The following CDK15 variants were observed in gnomAD, a reference collection of about 807,000 sequenced individuals.
The protein encoded by CDK15 is cyclin dependent kinase 15, also known as cyclin-dependent kinase 15.
A neutral mutation model predicts 60.3 loss-of-function variants in CDK15; 62 were observed. The ratio of observed to expected loss-of-function variants is 1.03; its 90% confidence interval spans 0.84 to 1.27. The LOEUF (loss-of-function observed/expected upper bound fraction) is 1.27, where lower values mean the gene tolerates loss of function less well. CDK15 is among the 50% of genes most tolerant of loss of function. The probability of loss-of-function intolerance (pLI) is 0.00; values close to 1 mark genes in which losing one functional copy is unlikely to be tolerated. For synonymous variants in CDK15, 194 were observed against 195.7 expected (o/e 0.99, Z 0.07); for missense variants, 541 against 527.8 (o/e 1.03, Z -0.25).
At position 201,812,550 on chromosome 2, in the gene CDK15, G is replaced by C; in HGVS notation, c.436G>C (p.Ala146Pro). Residue 146 changes from alanine to proline, a missense_variant, in exon 4 of 14, where the codon GCT (alanine) becomes CCT (proline). Physicochemically the swap from Ala to Pro is conservative, Grantham distance 27. Coordinates refer to ENST00000652192, the MANE Select transcript of CDK15 (RefSeq NM_001366386.2). Reference protein sequence around the residue: ...MNAEEGVPFTAIREASLLKGL... With the variant: ...MNAEEGVPFTPIREASLLKGL... ...TGCAGAGGAAGGAGTCCCATTTACA[G>C]CTATCCGAGAAGGTAAGAACAGCAG... The C allele has an allele frequency of 5.0e-6, 8 of 1,612,216 alleles. No individual in the cohort carries two copies. Among genetic ancestry groups the C allele is most frequent in the African/African-American group, 1.3e-5 (1 of 74,982 alleles).
intron 4 of CDK15, among the ~76,000 whole-genome samples, chr2:201,822,160 C>T (rs1696255738): frequency 1.3e-5 from 2 of 152,176 alleles, no homozygotes; most frequent in African/African-American, 4.8e-5. Context: ...AAGAGAAAGC[C>T]CTCAGCCTTC....
intron 9 of CDK15, 44 bp from the exon 10 acceptor site, chr2:201,854,830 T>A (rs377132693): frequency 5.2e-5 from 82 of 1,566,744 alleles, no homozygotes; most frequent in Admixed American, 1.2e-4. Context: ...ATCCACCTCA[T>A]CTCCCCACCT....
At chr2:201,880,194 G>T in intron 12 of CDK15, 27 bp downstream of exon 12, 1 of 1,611,318 alleles carries the variant, frequency 6.2e-7, no homozygotes, top group Non-Finnish European at 8.5e-7. Context: ...GTGCGTGTGC[G>T]TGAGTGCATG....
chr2:201,829,829 T>C (rs6435112), intron 6 of CDK15, among the ~76,000 whole-genome samples: 138,987 of 151,944 alleles, frequency 0.91, 64,032 homozygotes, highest in East Asian at 1. Flanking sequence ...TATTTTTAGA[T>C]GGGAGTCTCG....
chr2:201,867,518 A>G (rs1284643107), intron 10 of CDK15, among the ~76,000 whole-genome samples: 1 of 152,168 alleles, frequency 6.6e-6, no homozygotes, highest in African/African-American at 2.4e-5. Flanking sequence ...CCAGCTACTC[A>G]GGAGGCTGAG....
At chr2:201,839,894 A>C (rs965823001) in intron 8 of CDK15, among the ~76,000 whole-genome samples, 1 of 152,154 alleles carries the variant, frequency 6.6e-6, no homozygotes, top group African/African-American at 2.4e-5. Context: ...ATATGTGATC[A>C]GTGTTTGTAA....
chr2:201,876,972 A>G (rs1333030009), intron 11 of CDK15, among the ~76,000 whole-genome samples: 1 of 151,534 alleles, frequency 6.6e-6, no homozygotes, highest in Middle Eastern at 3.2e-3. Flanking sequence ...TAATTTTTGT[A>G]TTTTCTGGTA....
Position 201,835,622 on chromosome 2 carries a change from A to T in CDK15, c.731-21A>T, listed in dbSNP as rs780251705. The T allele has an allele frequency of 3.8e-6, 6 of 1,593,316 alleles. No individual in the cohort carries two copies. In the African/African-American group the frequency reaches 6.7e-5, roughly 18 times the overall value. On this transcript the variant is annotated intron_variant, in intron 7 of 13. Coordinates refer to ENST00000652192, the MANE Select transcript of CDK15 (RefSeq NM_001366386.2). ...GCCAAGGTCCAGAACGATGGGTTTT[A>T]TGCTTTTCCCTTTTGGACAGGTCTT...
chr2:201,814,952 T>C lies in CDK15; in HGVS notation c.448+2390T>C, dbSNP rs1695926665. On this transcript the variant is annotated intron_variant, in intron 4 of 13. Coordinates refer to ENST00000652192, the MANE Select transcript of CDK15 (RefSeq NM_001366386.2). ...AGTATGAACAGCACTAAGGAACATT[T>C]TTTTTTTTTTTTTTTTGAGACGAAG... 4.0e-4 allele frequency among the ~76,000 whole-genome samples: 34 copies of C among 85,752 alleles called. No individual in the cohort carries two copies. The South Asian group carries it at 0.017, about 44-fold the overall frequency. The allele number at this position is 85,752 out of a possible 152,430, so 56.3% of individuals were successfully genotyped here.
intron 7 of CDK15, among the ~76,000 whole-genome samples, chr2:201,834,892 A>G (rs933885927): frequency 5.3e-5 from 8 of 152,220 alleles, no homozygotes; most frequent in Non-Finnish European, 1.0e-4. Context: ...AAACTCATCT[A>G]TTGAAGTTTT....
At chr2:201,850,650 T>A (rs35265069) in intron 9 of CDK15, among the ~76,000 whole-genome samples, 8,753 of 152,280 alleles carry the variant, frequency 0.057, 352 homozygotes, top group Non-Finnish European at 0.082. Context: ...TTTGGGTACA[T>A]GCCCTGTATT....
intron 11 of CDK15, among the ~76,000 whole-genome samples, chr2:201,877,179 C>T (rs1050214825): frequency 3.9e-5 from 6 of 152,200 alleles, no homozygotes; most frequent in African/African-American, 1.4e-4. Flanking sequence ...CCCAGACACT[C>T]TACACAAACA....
intron 8 of CDK15, among the ~76,000 whole-genome samples, chr2:201,846,448 G>A (rs988336982): frequency 4.7e-5 from 7 of 149,120 alleles, no homozygotes; most frequent in Non-Finnish European, 7.4e-5. Flanking sequence ...AGCTGAGATC[G>A]CACCACTGCA....
intron 11 of CDK15, among the ~76,000 whole-genome samples, chr2:201,872,678 A>G (rs1574928497): frequency 6.6e-6 from 1 of 150,428 alleles, no homozygotes; most frequent in South Asian, 2.2e-4. Context: ...GAGGGGGGGC[A>G]ACTTGATTCA....
chr2:201,892,556 C>T (rs1444834286), intron 13 of CDK15, among the ~76,000 whole-genome samples: 1 of 152,120 alleles, frequency 6.6e-6, no homozygotes, highest in Non-Finnish European at 1.5e-5. Context: ...CCTGCGCCAG[C>T]AATTGAAGAA....
chr2:201,832,916 A>G (rs1340339991), intron 6 of CDK15, among the ~76,000 whole-genome samples: 1 of 152,240 alleles, frequency 6.6e-6, no homozygotes, highest in African/African-American at 2.4e-5. Flanking sequence ...ACACGTTCTC[A>G]GTTGACATAC....
At chr2:201,808,848 A>G (rs958341016) in intron 3 of CDK15, 14 of 152,036 alleles carry the variant, frequency 9.2e-5, no homozygotes, top group Admixed American at 6.5e-5. Context: ...CTTAGTATTT[A>G]TGCTGTTATT....
chr2:201,816,455 G>GTTTTTTTTTTTTTTTTTTT (rs55930032), intron 4 of CDK15, among the ~76,000 whole-genome samples: 1 of 79,854 alleles, frequency 1.3e-5, no homozygotes, highest in African/African-American at 5.1e-5. Flanking sequence ...TAAGGAAATG[G>GTTTTTTTTTTTTTTTTTTT]TTTTTTTTTT....
chr2:201,835,525 C>G, intron 7 of CDK15, 118 bp from the exon 8 acceptor site: 1 of 1,124,978 alleles, frequency 8.9e-7, no homozygotes, highest in Non-Finnish European at 1.2e-6. Flanking sequence ...ATTAGTTCTA[C>G]TAAAAGCACC....
Sources: allele counts gnomAD v4.1 joint callset (sites outside exome capture counted in the v4.1 genomes callset), GRCh38; gene constraint gnomAD v4.1.1; transcripts MANE v1.5; gene names NCBI Gene and HGNC (gene_info 2026-07-23, HGNC 2026-07-21).